Variants in MYBPC1 observed in about 807,000 individuals in gnomAD.
The protein encoded by MYBPC1 is myosin-binding protein C, slow-type.
A neutral mutation model predicts 147.1 loss-of-function variants in MYBPC1; 52 were observed. The ratio of observed to expected loss-of-function variants is 0.35; its 90% CI spans 0.28 to 0.45. The LOEUF is 0.45. MYBPC1 is among the 20% of genes least tolerant of loss of function. MYBPC1 has a pLI of 1.00. For missense variants in MYBPC1, 1,228 were observed against 1,440.3 expected (o/e 0.85, Z 2.39); for synonymous variants, 477 against 475.9 (o/e 1.00, Z -0.03).
Position 101,636,661 on chromosome 12 carries a change from G to A in MYBPC1, c.609-11G>A. 1 of 1,613,244 alleles carries A rather than the reference G, an allele frequency of 6.2e-7. No individual in the cohort carries two copies. Among genetic ancestry groups the A allele is most frequent in the South Asian group, 1.1e-5 (1 of 91,058 alleles). ...TTAAACCCAGATTTGCTTTTCTTTTGTTAACGACAGTGGAGAAGGTCAAGA... is the reference window on the plus strand; with the variant it reads ...TTAAACCCAGATTTGCTTTTCTTTTATTAACGACAGTGGAGAAGGTCAAGA... On this transcript the variant is annotated splice_polypyrimidine_tract_variant and intron_variant, in intron 9 of 31. Transcript: ENST00000361466.
chr12:101,637,180 C>T (rs78522156), intron 10 of MYBPC1: 5,680 of 157,428 alleles, frequency 0.036, 346 homozygotes, highest in African/African-American at 0.13. Flanking sequence ...TTATAAATCA[C>T]TAAGCAATGA....
intron 26 of MYBPC1, among the ~76,000 whole-genome samples, chr12:101,675,682 A>T (rs1594058417): frequency 6.6e-6 from 1 of 152,232 alleles, no homozygotes; most frequent in South Asian, 2.1e-4. Flanking sequence ...TATTTTCCTC[A>T]TCTATGTAAT....
At position 101,644,849 on chromosome 12, in the gene MYBPC1, A is replaced by G. The variant is rs77060640; in HGVS notation, c.965+53A>G. On this transcript the variant is annotated intron_variant, in intron 12 of 31. Coordinates refer to ENST00000361466, the MANE Select transcript of MYBPC1 (RefSeq NM_002465.4). ...TAGCTCTACAGTAAATTAATCAAATAGTAGTTCGACTGACTTTTCTGAGAA... is the reference window on the plus strand; with the variant it reads ...TAGCTCTACAGTAAATTAATCAAATGGTAGTTCGACTGACTTTTCTGAGAA... The G allele has an allele frequency of 2.9e-3, 4,538 of 1,545,754 alleles. 106 individuals carry two copies. In the African/African-American group the frequency reaches 0.055, roughly 19 times the overall value.
chr12:101,669,341 G>A (rs1210704070), intron 23 of MYBPC1, among the ~76,000 whole-genome samples: 1 of 152,156 alleles, frequency 6.6e-6, no homozygotes, highest in Non-Finnish European at 1.5e-5. Context: ...ATCCCTGTGA[G>A]CCTATGAGCC....
At chr12:101,599,104 C>A (rs969690078) in intron 1 of MYBPC1, among the ~76,000 whole-genome samples, 1 of 152,270 alleles carries the variant, frequency 6.6e-6, no homozygotes, top group Non-Finnish European at 1.5e-5. Flanking sequence ...TGTAAGATCT[C>A]TTCTTGAAAA....
chr12:101,684,698 A>C (rs1294213064), intron 31 of MYBPC1, among the ~76,000 whole-genome samples: 5 of 152,236 alleles, frequency 3.3e-5, no homozygotes, highest in Non-Finnish European at 1.5e-5. Context: ...GGTGATACCC[A>C]AGCATTCTGA....
At chr12:101,616,681 T>C (rs1886170127) in intron 2 of MYBPC1, among the ~76,000 whole-genome samples, 2 of 152,190 alleles carry the variant, frequency 1.3e-5, no homozygotes, top group Non-Finnish European at 2.9e-5. Context: ...TTGCATTTAT[T>C]GCCACTAAAC....
intron 18 of MYBPC1, among the ~76,000 whole-genome samples, chr12:101,657,357 T>G (rs1052856771): frequency 2.6e-5 from 4 of 152,042 alleles, no homozygotes; most frequent in African/African-American, 9.7e-5. Flanking sequence ...ATGATACAAA[T>G]TAGTGCAGAA....
chr12:101,687,141 G>A (rs1273362936), downstream of MYBPC1, among the ~76,000 whole-genome samples: 2 of 151,840 alleles, frequency 1.3e-5, no homozygotes, highest in South Asian at 2.1e-4. Context: ...TGTTGCATAC[G>A]TATACATGTG....
rs140667525 is a variant in MYBPC1 at position 101,631,701 on chromosome 12, C to A, written c.420C>A (p.Thr140=). The change falls in exon 7 of 32, where the codon ACC becomes ACA. Residue 140 remains threonine, a synonymous_variant. Coordinates refer to ENST00000361466, the MANE Select transcript of MYBPC1 (RefSeq NM_002465.4). ...GGAAGCACCTTCAGCTGAAGGAAACCTTTGAGAGGCACAGTCGGGTAAGGC... is the reference window on the plus strand; with the variant it reads ...GGAAGCACCTTCAGCTGAAGGAAACATTTGAGAGGCACAGTCGGGTAAGGC... The part of the protein sequence containing the change: ...KAGKHLQLKE[T]FERHSRVYTF... The A allele has an allele frequency of 3.7e-6, 6 of 1,614,170 alleles. No individual in the cohort carries two copies. The highest frequency in any genetic ancestry group is 1.7e-5 in the Admixed American group (1 of 60,030).
At chr12:101,651,016 G>C (rs1894329971) in intron 15 of MYBPC1, 1 of 570,730 alleles carries the variant, frequency 1.8e-6, no homozygotes, top group Non-Finnish European at 3.1e-6. Context: ...ATTTCAGCTG[G>C]ATGCAATTTT....
At chr12:101,649,206 T>C in intron 14 of MYBPC1, 54 bp from the exon 15 acceptor site, 2 of 1,318,086 alleles carry the variant, frequency 1.5e-6, no homozygotes, top group Non-Finnish European at 2.2e-6. Flanking sequence ...ATGGACAAGG[T>C]ATTTTTCCTG....
At position 101,629,631 on chromosome 12, in the gene MYBPC1, G is replaced by A. The variant is rs146360328; in HGVS notation, c.289+87G>A. ...CTCACGCCTGTAATCCCAGCACTCT[G>A]GGAGGTCCAGACAGGCAGATCATTT... is the stretch of plus-strand genomic sequence containing the variant. On this transcript the variant is annotated intron_variant, in intron 6 of 31. Coordinates refer to ENST00000361466, the MANE Select transcript of MYBPC1 (RefSeq NM_002465.4). 1.8e-4 allele frequency: 149 copies of A among 818,488 alleles called. No individual in the cohort carries two copies. In the African/African-American group the frequency reaches 2.7e-3, roughly 15 times the overall value. The allele number at this position is 818,488 out of a possible 1,614,324, so 50.7% of individuals were successfully genotyped here.
intron 1 of MYBPC1, among the ~76,000 whole-genome samples, chr12:101,608,442 C>A (rs982258654): frequency 2.6e-5 from 4 of 152,304 alleles, no homozygotes; most frequent in East Asian, 3.9e-4. Context: ...GAACAAAAAA[C>A]CAACTGTATT....
chr12:101,599,560 A>G (rs1878958594), intron 1 of MYBPC1, among the ~76,000 whole-genome samples: 1 of 152,188 alleles, frequency 6.6e-6, no homozygotes, highest in Admixed American at 6.5e-5. Flanking sequence ...TTCTACCTGC[A>G]AGAGAGTGAA....
intron 1 of MYBPC1, among the ~76,000 whole-genome samples, chr12:101,612,033 C>T (rs1168623083): frequency 1.3e-5 from 2 of 149,596 alleles, no homozygotes; most frequent in Non-Finnish European, 3.0e-5. Flanking sequence ...GCCAAGGTCA[C>T]GCCACTGCAC....
intron 3 of MYBPC1, among the ~76,000 whole-genome samples, chr12:101,623,430 T>C (rs987805736): frequency 5.9e-5 from 9 of 152,244 alleles, no homozygotes; most frequent in African/African-American, 2.2e-4. Context: ...TGTGCAAATA[T>C]TATGATGTAT....
intron 29 of MYBPC1, among the ~76,000 whole-genome samples, chr12:101,682,346 T>G (rs909306297): frequency 1.3e-5 from 2 of 152,222 alleles, no homozygotes; most frequent in African/African-American, 4.8e-5. Context: ...GATATATTCT[T>G]TTTAGTGAAA....
At chr12:101,612,054 C>T (rs1042169763) in intron 1 of MYBPC1, among the ~76,000 whole-genome samples, 5 of 143,054 alleles carry the variant, frequency 3.5e-5, no homozygotes, top group Admixed American at 1.4e-4. Flanking sequence ...TCCAGCCTGG[C>T]GACAGAGCGA....
Sources: allele counts gnomAD v4.1 joint callset (sites outside exome capture counted in the v4.1 genomes callset), GRCh38; gene constraint gnomAD v4.1.1; transcripts MANE v1.5; gene names NCBI Gene and HGNC (gene_info 2026-07-23, HGNC 2026-07-21).